The following LSAMP variants were observed in gnomAD, a reference collection of about 807,000 sequenced individuals.
LSAMP encodes the protein limbic system-associated membrane protein.
In LSAMP, 7 loss-of-function variants were observed where a neutral mutation model predicts 38.6. The observed-to-expected ratio is 0.18, with a 90% confidence interval of 0.10 to 0.34. The LOEUF (loss-of-function observed/expected upper bound fraction) is 0.34. Among genes scored for constraint, LSAMP ranks in the 10% least tolerant of loss-of-function variants. The probability of loss-of-function intolerance (pLI) is 1.00; values close to 1 mark genes in which losing one functional copy is unlikely to be tolerated. For synonymous variants in LSAMP, 154 were observed against 166.8 expected, an observed-to-expected ratio of 0.92 and a Z score of 0.59; for missense variants, 313 against 420.0, an observed-to-expected ratio of 0.75 and a Z score of 2.23.
chr3:116,270,403 A>G (rs1352095121), intron 1 of LSAMP, among the ~76,000 whole-genome samples: 2 of 149,936 alleles, frequency 1.3e-5, no homozygotes, highest in African/African-American at 4.8e-5. Context: ...GCAGTGTCAA[A>G]TGGACCCTGA....
At chr3:116,300,136 G>A (rs1411426613) in intron 1 of LSAMP, among the ~76,000 whole-genome samples, 2 of 152,128 alleles carry the variant, frequency 1.3e-5, no homozygotes, top group Admixed American at 1.3e-4. Context: ...ACATTACTGA[G>A]CTCCATGAGG....
At chr3:116,105,386 CA>C (rs1708440678) in intron 1 of LSAMP, among the ~76,000 whole-genome samples, 1 of 152,152 alleles carries the variant, frequency 6.6e-6, no homozygotes, top group South Asian at 2.1e-4. Flanking sequence ...AAAAGACCAC[CA>C]AACAGGCTTT....
In LSAMP at chr3:116,197,636, T is replaced by G. The variant is rs557459935; in HGVS notation, c.156-111080A>C. ...TTTCTTGTCATTATAATCTTAATTC[T>G]TCTATTTCAGTATCAAGCCATCTAT... On this transcript the variant is annotated intron_variant, in intron 1 of 6. Transcript: ENST00000490035. 1.2e-4 allele frequency among the ~76,000 whole-genome samples: 19 copies of G among 152,336 alleles called. No homozygotes were observed. The South Asian group carries it at 3.9e-3, about 32-fold the overall frequency.
At chr3:115,858,168 A>T (rs1036710689) in intron 3 of LSAMP, among the ~76,000 whole-genome samples, 46 of 146,988 alleles carry the variant, frequency 3.1e-4, no homozygotes, top group Admixed American at 2.6e-3. Flanking sequence ...TCTCTCTCAC[A>T]CACACACACC....
At chr3:116,151,273 GAC>G (rs1344346265) in intron 1 of LSAMP, among the ~76,000 whole-genome samples, 4 of 152,014 alleles carry the variant, frequency 2.6e-5, no homozygotes, top group Non-Finnish European at 5.9e-5. Context: ...ACAGAAAAGG[GAC>G]ATTTATGTAT....
intron 1 of LSAMP, among the ~76,000 whole-genome samples, chr3:116,204,719 C>A (rs2046041794): frequency 6.6e-6 from 1 of 151,586 alleles, no homozygotes; most frequent in Admixed American, 6.6e-5. Context: ...TGTAGATATG[C>A]AGCGTTATTT....
chr3:116,378,439 A>G (rs2048518740), intron 1 of LSAMP, among the ~76,000 whole-genome samples: 1 of 152,094 alleles, frequency 6.6e-6, no homozygotes, highest in Non-Finnish European at 1.5e-5. Context: ...GCAATGAGTA[A>G]AAACATCTCT....
At chr3:115,995,420 T>TAGA (rs1051481744) in intron 3 of LSAMP, among the ~76,000 whole-genome samples, 6 of 152,246 alleles carry the variant, frequency 3.9e-5, no homozygotes, top group African/African-American at 1.4e-4. Flanking sequence ...GGCACACTGA[T>TAGA]AGAAGCCACT....
chr3:116,201,683 G>C (rs950991966), intron 1 of LSAMP, among the ~76,000 whole-genome samples: 7 of 152,172 alleles, frequency 4.6e-5, no homozygotes, highest in Non-Finnish European at 8.8e-5. Flanking sequence ...ACTGAATGCT[G>C]TGTTTCATAG....
rs1576436723 is a variant in LSAMP at position 116,212,596 on chromosome 3, C to T, written c.156-126040G>A. 3.3e-5 allele frequency among the ~76,000 whole-genome samples: 5 copies of T among 151,654 alleles called. No individual in the cohort carries two copies. In the South Asian group the frequency reaches 1.0e-3, roughly 32 times the overall value. ...ACAGAAGTAAAATTATCTTCAAAGACACCCTTCTGAGTTGATTAGATACTA... is the reference window on the plus strand; with the variant it reads ...ACAGAAGTAAAATTATCTTCAAAGATACCCTTCTGAGTTGATTAGATACTA... On this transcript the variant is annotated intron_variant, in intron 1 of 6. Transcript: ENST00000490035.
intron 3 of LSAMP, among the ~76,000 whole-genome samples, chr3:115,894,502 T>C (rs1242854009): frequency 6.6e-6 from 1 of 151,994 alleles, no homozygotes; most frequent in Non-Finnish European, 1.5e-5. Context: ...ATGCTAGAAT[T>C]TGGGGATGAA....
intron 1 of LSAMP, among the ~76,000 whole-genome samples, chr3:116,400,934 T>G (rs2048833034): frequency 6.6e-6 from 1 of 152,196 alleles, no homozygotes; most frequent in African/African-American, 2.4e-5. Context: ...ATATACTACC[T>G]ACCACAGGAT....
chr3:115,818,006 G>A (rs1279198616), intron 6 of LSAMP, among the ~76,000 whole-genome samples: 2 of 152,162 alleles, frequency 1.3e-5, no homozygotes, highest in African/African-American at 4.8e-5. Context: ...TGGAGAATAT[G>A]TTCATGAAAA....
intron 6 of LSAMP, among the ~76,000 whole-genome samples, chr3:115,816,011 C>G (rs1025160398): frequency 1.3e-5 from 2 of 152,090 alleles, no homozygotes; most frequent in African/African-American, 4.8e-5. Context: ...TGTCTCACCC[C>G]TCTGAGACTC....
chr3:115,954,331 C>T (rs547514824), intron 3 of LSAMP, among the ~76,000 whole-genome samples: 9 of 152,264 alleles, frequency 5.9e-5, no homozygotes, highest in South Asian at 4.1e-4. Flanking sequence ...CGTATCTCCA[C>T]GCTTAGCCAT....
intron 3 of LSAMP, among the ~76,000 whole-genome samples, chr3:115,990,669 G>A (rs1449706956): frequency 2.0e-5 from 3 of 151,988 alleles, no homozygotes; most frequent in Non-Finnish European, 4.4e-5. Context: ...GAATGATATC[G>A]AAATATTTTT....
At chr3:116,026,004 C>T (rs1482027181) in intron 2 of LSAMP, among the ~76,000 whole-genome samples, 2 of 152,148 alleles carry the variant, frequency 1.3e-5, no homozygotes, top group Non-Finnish European at 2.9e-5. Flanking sequence ...ACTGCATCCT[C>T]AAACTCCTGG....
intron 3 of LSAMP, among the ~76,000 whole-genome samples, chr3:115,966,656 T>C (rs1938825178): frequency 6.6e-6 from 1 of 152,218 alleles, no homozygotes; most frequent in Non-Finnish European, 1.5e-5. Flanking sequence ...AATTTCATTA[T>C]GTTTTTATCC....
At chr3:115,992,232 C>T (rs1172167312) in intron 3 of LSAMP, among the ~76,000 whole-genome samples, 1 of 152,026 alleles carries the variant, frequency 6.6e-6, no homozygotes, top group Non-Finnish European at 1.5e-5. Flanking sequence ...CTATGTGATA[C>T]AGATGAGGAC....
Sources: gnomAD v4.1 joint callset for allele counts (sites outside exome capture counted in the v4.1 genomes callset) on GRCh38, gnomAD v4.1.1 for gene constraint, MANE v1.5 for transcripts, NCBI Gene and HGNC (gene_info 2026-07-23, HGNC 2026-07-21) for gene names.